Variants in GPC5 observed in about 807,000 individuals in gnomAD.
The protein encoded by GPC5 is glypican-5.
In GPC5, 47 loss-of-function variants were observed where a neutral mutation model predicts 53.9. That is an observed-to-expected ratio of 0.87 (90% CI 0.69 to 1.11). The LOEUF is 1.11. GPC5 is among the 50% of genes most tolerant of loss of function. GPC5 has a pLI of 0.00. For missense variants in GPC5, 748 were observed against 713.1 expected (o/e 1.05, Z -0.56); for synonymous variants, 286 against 263.3 (o/e 1.09, Z -0.84).
chr13:91,425,116 A>C (rs1408806106), intron 1 of GPC5, among the ~76,000 whole-genome samples: 3 of 152,194 alleles, frequency 2.0e-5, no homozygotes, highest in African/African-American at 7.2e-5. Context: ...TGTATAAGGA[A>C]AGCAAATATC....
At chr13:92,282,584 G>A (rs1300618840) in intron 7 of GPC5, among the ~76,000 whole-genome samples, 2 of 152,130 alleles carry the variant, frequency 1.3e-5, no homozygotes, top group African/African-American at 4.8e-5. Context: ...GAGAAGGGGG[G>A]CCAATATTCA....
chr13:92,851,904 A>T (rs1878819993), intron 7 of GPC5, among the ~76,000 whole-genome samples: 1 of 151,532 alleles, frequency 6.6e-6, no homozygotes, highest in Admixed American at 6.6e-5. Context: ...AAAAAAAAAA[A>T]AAAAGAATAG....
At chr13:92,745,891 T>G (rs1889229760) in intron 7 of GPC5, among the ~76,000 whole-genome samples, 1 of 152,148 alleles carries the variant, frequency 6.6e-6, no homozygotes, top group African/African-American at 2.4e-5. Context: ...TTTCTTATAT[T>G]ATTGGATAAC....
At chr13:92,758,604 T>G (rs1403547775) in intron 7 of GPC5, among the ~76,000 whole-genome samples, 1 of 152,224 alleles carries the variant, frequency 6.6e-6, no homozygotes, top group Non-Finnish European at 1.5e-5. Context: ...TTGGCTGTTA[T>G]AGCCATTTAG....
At chr13:92,810,550 T>C (rs760115905) in intron 7 of GPC5, among the ~76,000 whole-genome samples, 7 of 151,896 alleles carry the variant, frequency 4.6e-5, no homozygotes, top group Non-Finnish European at 8.8e-5. Context: ...AACCATTTTT[T>C]ACTGTCCCAA....
chr13:91,891,985 T>C (rs907417655), intron 5 of GPC5, among the ~76,000 whole-genome samples: 1 of 152,062 alleles, frequency 6.6e-6, no homozygotes, highest in Non-Finnish European at 1.5e-5. Flanking sequence ...TAAAAGTTTA[T>C]AATTGACAAG....
chr13:91,848,535 A>G lies in GPC5; in HGVS notation c.1281-59402A>G, dbSNP rs536183617. Among the ~76,000 whole-genome samples the G allele has an allele frequency of 3.3e-5, 5 of 152,302 alleles. No homozygotes were observed. In the South Asian group the frequency reaches 6.2e-4, roughly 19 times the overall value. On this transcript the variant is annotated intron_variant, in intron 5 of 7. Transcript: ENST00000377067. ...GTTTTCTGAAGGGAGGTGGGCCTAT[A>G]AGAGTTAGAAGAACAGAAACTGGAA... is the stretch of plus-strand genomic sequence containing the variant.
chr13:92,451,212 G>A (rs1302492320), intron 7 of GPC5, among the ~76,000 whole-genome samples: 1 of 152,108 alleles, frequency 6.6e-6, no homozygotes, highest in Non-Finnish European at 1.5e-5. Flanking sequence ...TTAGTGGTAG[G>A]CAGGATTCAA....
intron 5 of GPC5, among the ~76,000 whole-genome samples, chr13:91,862,870 A>G (rs1160108059): frequency 6.6e-6 from 1 of 152,144 alleles, no homozygotes; most frequent in East Asian, 1.9e-4. Context: ...CCATTTATTA[A>G]GAAGAGATCT....
intron 6 of GPC5, among the ~76,000 whole-genome samples, chr13:91,976,112 G>A (rs2040298448): frequency 6.6e-6 from 1 of 152,064 alleles, no homozygotes; most frequent in Non-Finnish European, 1.5e-5. Flanking sequence ...CACGCTCTGG[G>A]GACTGTTATG....
rs998428775 is a variant in GPC5, at chr13:92,754,623, G to C, written c.1562-111659G>C. Among the ~76,000 whole-genome samples the C allele has an allele frequency of 2.0e-3, 305 of 151,248 alleles. 1 individual carries two copies. The highest frequency in any genetic ancestry group is 7.3e-3 in the African/African-American group (299 of 41,198). On this transcript the variant is annotated intron_variant, in intron 7 of 7. Coordinates refer to ENST00000377067, the MANE Select transcript of GPC5 (RefSeq NM_004466.6). ...AGACACACATAGGCTCAAAATAAAA[G>C]GATGGAGGAAGATCTACCAAGCAAA...
At chr13:91,478,544 A>T (rs140824474) in intron 2 of GPC5, among the ~76,000 whole-genome samples, 1 of 151,712 alleles carries the variant, frequency 6.6e-6, no homozygotes, top group South Asian at 2.1e-4. Flanking sequence ...TTCACATTTT[A>T]TCTTGAAATT....
At chr13:91,592,885 TC>T (rs1484835265) in intron 2 of GPC5, among the ~76,000 whole-genome samples, 2 of 152,136 alleles carry the variant, frequency 1.3e-5, no homozygotes, top group Admixed American at 1.3e-4. Context: ...TGTTCCCCAG[TC>T]CCATGGGGAA....
chr13:92,318,400 C>A (rs1594096608), intron 7 of GPC5, among the ~76,000 whole-genome samples: 1 of 152,134 alleles, frequency 6.6e-6, no homozygotes, highest in African/African-American at 2.4e-5. Flanking sequence ...GTAACACAGC[C>A]TTCTACATTA....
At chr13:92,177,900 T>C (rs1307503300) in intron 7 of GPC5, among the ~76,000 whole-genome samples, 4 of 152,182 alleles carry the variant, frequency 2.6e-5, no homozygotes, top group Admixed American at 2.0e-4. Context: ...GCATTATATA[T>C]AATTAAAGAT....
intron 6 of GPC5, among the ~76,000 whole-genome samples, chr13:92,070,177 C>A (rs1380025650): frequency 6.6e-6 from 1 of 152,060 alleles, no homozygotes; most frequent in African/African-American, 2.4e-5. Flanking sequence ...AAGGCTGGCC[C>A]CAGCTGACAG....
intron 6 of GPC5, among the ~76,000 whole-genome samples, chr13:92,129,391 A>G (rs1262742764): frequency 1.3e-5 from 2 of 152,210 alleles, no homozygotes; most frequent in Non-Finnish European, 2.9e-5. Context: ...GAAAAGTGGG[A>G]ATACATTCTA....
intron 6 of GPC5, among the ~76,000 whole-genome samples, chr13:91,949,347 T>C (rs1192068614): frequency 6.6e-6 from 1 of 152,170 alleles, no homozygotes; most frequent in Admixed American, 6.6e-5. Context: ...TTACAAATGG[T>C]TTTACCACTA....
intron 2 of GPC5, among the ~76,000 whole-genome samples, chr13:91,544,377 A>G (rs1044800812): frequency 6.6e-6 from 1 of 152,114 alleles, no homozygotes; most frequent in Non-Finnish European, 1.5e-5. Context: ...GTCTAGTTAT[A>G]TTGTATAGTG....
Sources: allele counts gnomAD v4.1 joint callset (sites outside exome capture counted in the v4.1 genomes callset), GRCh38; gene constraint gnomAD v4.1.1; transcripts MANE v1.5; gene names NCBI Gene and HGNC (gene_info 2026-07-23, HGNC 2026-07-21).